Variants in MRPS15 observed in about 807,000 individuals in gnomAD.
The protein encoded by MRPS15 is mitochondrial ribosomal protein S15.
MRPS15 carries 25 observed loss-of-function variants against 30.7 expected under a neutral mutation model. The ratio of observed to expected loss-of-function variants is 0.81; its 90% CI spans 0.59 to 1.14. MRPS15 has a LOEUF of 1.14. Among genes scored for constraint, MRPS15 ranks in the 50% most tolerant of loss-of-function variants. The probability of loss-of-function intolerance (pLI) is 0.00; values close to 1 mark genes in which losing one functional copy is unlikely to be tolerated. For synonymous variants in MRPS15, 124 were observed against 120.1 expected, an observed-to-expected ratio of 1.03 and a Z score of -0.21; for missense variants, 313 against 321.7, an observed-to-expected ratio of 0.97 and a Z score of 0.21.
chr1:36,457,852 G>C, intron 6 of MRPS15, 71 bp downstream of exon 6: 1 of 1,460,674 alleles, frequency 6.8e-7, no homozygotes, highest in East Asian at 2.3e-5. Flanking sequence ...TCTGGACCCA[G>C]AGCCCTTCCC....
In MRPS15 at chr1:36,458,812, G is replaced by A. The variant is rs1378427812; in HGVS notation, c.386-831C>T. ...ATATCGTTCATTCAGGCATCCTCTTGTTTAATTTACCCCCTGTACTGCAAA... is the reference window on the plus strand; with the variant it reads ...ATATCGTTCATTCAGGCATCCTCTTATTTAATTTACCCCCTGTACTGCAAA... On this transcript the variant is annotated intron_variant, in intron 5 of 7. Transcript: ENST00000373116. The surrounding 1 kb of genome is among the most constrained non-coding windows in gnomAD (Gnocchi z 4.5). 6.6e-6 allele frequency: 1 copy of A among 152,180 alleles called. No homozygotes were observed. Among genetic ancestry groups the A allele is most frequent in the East Asian group, 1.9e-4 (1 of 5,196 alleles). The allele number at this position is 152,180 out of a possible 1,614,324, so 9.4% of individuals were successfully genotyped here.
intron 1 of MRPS15, 51 bp downstream of exon 1, chr1:36,464,095 T>C: frequency 2.8e-6 from 4 of 1,407,320 alleles, no homozygotes; most frequent in Non-Finnish European, 2.9e-6. Flanking sequence ...TTCCCTATCT[T>C]CGCCGAACCC....
rs892019253 is a variant in MRPS15 at position 36,458,132 on chromosome 1, C to T, written c.386-151G>A. The T allele has an allele frequency of 7.7e-6, 5 of 648,860 alleles. No homozygotes were observed. Among genetic ancestry groups the T allele is most frequent in the Admixed American group, 2.8e-5 (1 of 36,244 alleles). 40.2% of individuals were successfully genotyped at this position (648,860 alleles called of 1,614,324 possible). On this transcript the variant is annotated intron_variant, in intron 5 of 7. Coordinates refer to ENST00000373116, the MANE Select transcript of MRPS15 (RefSeq NM_031280.4). This position sits in a 1 kb window ranked among gnomAD's most constrained non-coding sequence, Gnocchi z 4.5. Reference sequence around the variant, plus strand: ...CAAATCACTCTGAATTTCAAGATTTCAAAGGCTTATCTTAGACATTACCTT... The same window carrying T: ...CAAATCACTCTGAATTTCAAGATTTTAAAGGCTTATCTTAGACATTACCTT...
chr1:36,463,842 G>C lies in MRPS15; in HGVS notation c.139C>G (p.Leu47Val). 6.2e-7 allele frequency: 1 copy of C among 1,612,714 alleles called. No homozygotes were observed. The highest frequency in any genetic ancestry group is 8.5e-7 in the Non-Finnish European group (1 of 1,179,250). The part of the protein sequence containing the change: ...QWGLQPRSLL[L>V]QAARGYVVRK... Reference sequence around the variant, plus strand: ...ACGACATATCCGCGCGCGGCCTGGAGGAGGAGACCTACGCAGAAAAGAGAG... The same window carrying C: ...ACGACATATCCGCGCGCGGCCTGGACGAGGAGACCTACGCAGAAAAGAGAG... Residue 47 changes from leucine to valine, a missense_variant, in exon 2 of 8, where the codon CTC (leucine) becomes GTC (valine). Transcript: ENST00000373116.
chr1:36,455,990 G>A (rs751949720), intron 7 of MRPS15, 65 bp from the exon 8 acceptor site: 74 of 1,577,970 alleles, frequency 4.7e-5, no homozygotes, highest in Non-Finnish European at 5.7e-5. Flanking sequence ...CTTGGAACAA[G>A]TGGGATGGGA....
intron 4 of MRPS15, 69 bp from the exon 5 acceptor site, chr1:36,460,845 C>A (rs548917961): frequency 2.1e-5 from 27 of 1,276,816 alleles, no homozygotes; most frequent in Admixed American, 1.1e-4. Flanking sequence ...CTCCTCCCCC[C>A]AAGGGCCCTG....
intron 5 of MRPS15, 24 bp downstream of exon 5, chr1:36,460,668 A>G (rs772910981): frequency 6.3e-7 from 1 of 1,596,584 alleles, no homozygotes; most frequent in South Asian, 1.1e-5. Flanking sequence ...CTACACCCCC[A>G]CTCCCCAAGG....
At chr1:36,464,085 T>C in intron 1 of MRPS15, 61 bp downstream of exon 1, 2 of 1,593,082 alleles carry the variant, frequency 1.3e-6, no homozygotes, top group African/African-American at 2.7e-5. Flanking sequence ...TGCTTCCTTA[T>C]TCCCTATCTT....
intron 2 of MRPS15, among the ~76,000 whole-genome samples, chr1:36,463,539 C>G (rs1052434469): frequency 2.5e-4 from 38 of 152,180 alleles, no homozygotes; most frequent in African/African-American, 9.2e-4. Context: ...TCTAGGTAGG[C>G]CTGGGTGGTG....
chr1:36,463,787 C>T lies in MRPS15; in HGVS notation c.175+19G>A. On this transcript the variant is annotated intron_variant, in intron 2 of 7. Transcript: ENST00000373116. ...GGAGGTCTCTCTTCCGCCCCAAGTC[C>T]CACCTTAGGAACTCCTACCTGGTTT... is the stretch of plus-strand genomic sequence containing the variant. 6.2e-7 allele frequency: 1 copy of T among 1,608,892 alleles called. No homozygotes were observed.
chr1:36,463,629 T>C (rs1557582182), intron 2 of MRPS15, among the ~76,000 whole-genome samples, 177 bp downstream of exon 2: 1 of 152,216 alleles, frequency 6.6e-6, no homozygotes, highest in East Asian at 1.9e-4. Context: ...CACACCCCTC[T>C]GTCCCCATAC....
chr1:36,463,919 C>T (rs1650152656), intron 1 of MRPS15, 69 bp from the exon 2 acceptor site: 1 of 1,554,292 alleles, frequency 6.4e-7, no homozygotes, highest in Non-Finnish European at 8.7e-7. Context: ...TTTCTGTGCC[C>T]CTCGCATTGC....
chr1:36,463,954 C>T, intron 1 of MRPS15, 104 bp from the exon 2 acceptor site: 1 of 1,519,918 alleles, frequency 6.6e-7, no homozygotes, highest in Non-Finnish European at 8.9e-7. Flanking sequence ...CTATGCGCTT[C>T]TGAACCTAAC....
chr1:36,464,098 C>A, intron 1 of MRPS15, 48 bp downstream of exon 1: 1 of 1,429,930 alleles, frequency 7.0e-7, no homozygotes, highest in Non-Finnish European at 9.5e-7. Flanking sequence ...CCTATCTTCG[C>A]CGAACCCTGT....
rs1402217245 is a variant in MRPS15 at position 36,455,831 on chromosome 1, C to CT, written c.730dup (p.Ser244LysfsTer?). 6.2e-7 allele frequency: 1 copy of CT among 1,614,056 alleles called. No homozygotes were observed. The highest frequency in any genetic ancestry group is 8.5e-7 in the Non-Finnish European group (1 of 1,180,030). ...TGTCTTTGGTATGGCTTTGGCAGGG[C>CT]TGTCTGGGTTCCTCCGCTTTGCTTG... On this transcript the variant is annotated frameshift_variant, in exon 8 of 8. Transcript: ENST00000373116. LOFTEE classifies it high-confidence loss of function.
chr1:36,460,897 A>T (rs1557581150), intron 4 of MRPS15, 121 bp from the exon 5 acceptor site: 3 of 799,996 alleles, frequency 3.8e-6, no homozygotes. Context: ...TCAGGGCCTG[A>T]CTTCACTCTG....
intron 4 of MRPS15, 22 bp downstream of exon 4, chr1:36,461,242 A>C: frequency 6.2e-7 from 1 of 1,613,910 alleles, no homozygotes; most frequent in Non-Finnish European, 8.5e-7. Flanking sequence ...CGGGAGGCTG[A>C]GGCTTGGCAG....
intron 1 of MRPS15, 116 bp downstream of exon 1, chr1:36,464,030 C>T (rs1218705853): frequency 3.3e-6 from 5 of 1,521,992 alleles, no homozygotes; most frequent in Non-Finnish European, 4.4e-6. Flanking sequence ...GCAACCACCG[C>T]CCTTTCCCCC....
chr1:36,462,645 C>A (rs1025059941), intron 2 of MRPS15, among the ~76,000 whole-genome samples: 1 of 152,204 alleles, frequency 6.6e-6, no homozygotes, highest in African/African-American at 2.4e-5. Context: ...AAACCTCAGT[C>A]TTGGTGTGTG....
Sources: gnomAD v4.1 joint callset for allele counts (sites outside exome capture counted in the v4.1 genomes callset) on GRCh38, gnomAD v4.1.1 for gene constraint, Gnocchi (gnomAD v3.1) non-coding constraint, MANE v1.5 for transcripts, NCBI Gene and HGNC (gene_info 2026-07-23, HGNC 2026-07-21) for gene names.